Variants in NUP153 observed in about 807,000 individuals in gnomAD.
The protein encoded by NUP153 is nucleoporin 153, also known as nuclear pore complex protein Nup153.
Under a neutral mutation model 134.6 loss-of-function variants are expected in NUP153, and 27 were observed. That is an observed-to-expected ratio of 0.20 (90% confidence interval 0.15 to 0.28). The LOEUF (loss-of-function observed/expected upper bound fraction) is 0.28. Among genes scored for constraint, NUP153 ranks in the 10% least tolerant of loss-of-function variants. The pLI is 1.00. For missense variants in NUP153, 1,821 were observed against 1,731.3 expected (o/e 1.05, Z -0.92); for synonymous variants, 640 against 623.5 (o/e 1.03, Z -0.40).
intron 2 of NUP153, among the ~76,000 whole-genome samples, chr6:17,678,682 G>A (rs889320137): frequency 5.9e-5 from 9 of 152,056 alleles, no homozygotes; most frequent in Admixed American, 2.0e-4. Context: ...AGTGGCTCAC[G>A]CCTGTAGTCC....
At chr6:17,643,430 C>T (rs1765962082) in intron 14 of NUP153, among the ~76,000 whole-genome samples, 1 of 152,230 alleles carries the variant, frequency 6.6e-6, no homozygotes, top group Admixed American at 6.5e-5. Flanking sequence ...TGAGATTGTG[C>T]AACTGCACTC....
intron 1 of NUP153, among the ~76,000 whole-genome samples, chr6:17,695,228 T>C (rs191184677): frequency 2.6e-5 from 4 of 152,320 alleles, no homozygotes; most frequent in African/African-American, 2.4e-5. Flanking sequence ...TAGTCACTTA[T>C]AAAAGGACTA....
intron 16 of NUP153, among the ~76,000 whole-genome samples, chr6:17,633,226 A>G (rs1373742848): frequency 2.0e-5 from 3 of 152,230 alleles, no homozygotes; most frequent in African/African-American, 4.8e-5. Flanking sequence ...TCTTCAAAGC[A>G]GCAAGCATTC....
intron 1 of NUP153, among the ~76,000 whole-genome samples, chr6:17,700,989 A>C (rs1770021386): frequency 6.6e-6 from 1 of 152,104 alleles, no homozygotes; most frequent in Non-Finnish European, 1.5e-5. Context: ...CGGGAGGCCA[A>C]GGCAGGTGGA....
At chr6:17,670,787 T>G (rs892068389) in intron 5 of NUP153, among the ~76,000 whole-genome samples, 1 of 152,188 alleles carries the variant, frequency 6.6e-6, no homozygotes, top group African/African-American at 2.4e-5. Flanking sequence ...TTAGATTGTT[T>G]ACATGGTAAA....
At chr6:17,657,368 C>T (rs1766879506) in intron 11 of NUP153, among the ~76,000 whole-genome samples, 1 of 150,324 alleles carries the variant, frequency 6.7e-6, no homozygotes, top group Admixed American at 6.7e-5. Context: ...CATGGCAAAA[C>T]CCCGTCTCTA....
chr6:17,629,537 A>C lies in NUP153; in HGVS notation c.2662T>G (p.Phe888Val), dbSNP rs932212233. Residue 888 changes from phenylalanine (F) to valine (V), a missense_variant and splice_region_variant, in exon 18 of 22, where the codon TTT becomes GTT. Transcript: ENST00000262077. ...TTCGAAGATGAGGAAGATGTGTCAA[A>C]GCCTACAAAAATATAAAAGACACCA... is the stretch of plus-strand genomic sequence containing the variant. ...KPGTKSGFKG[F>V]DTSSSSSNSA... 5.1e-6 allele frequency: 8 copies of C among 1,580,592 alleles called. No homozygotes were observed. Among genetic ancestry groups the C allele is most frequent in the Non-Finnish European group, 6.8e-6 (8 of 1,169,978 alleles).
In NUP153 at chr6:17,646,179, T is replaced by C. The variant is rs143338076; in HGVS notation, c.1633-25A>G. ...TCTGTAAAGAGAAAGAATATCCTTATACTTCGTTTTCAATAAGTATCAAAT... is the reference window on the plus strand; with the variant it reads ...TCTGTAAAGAGAAAGAATATCCTTACACTTCGTTTTCAATAAGTATCAAAT... On this transcript the variant is annotated intron_variant, in intron 13 of 21. Coordinates refer to ENST00000262077, the MANE Select transcript of NUP153 (RefSeq NM_005124.4). 13 of 1,268,188 alleles carry C rather than the reference T, an allele frequency of 1.0e-5. No individual in the cohort carries two copies. In the African/African-American group the frequency reaches 1.5e-4, roughly 14 times the overall value. The allele number at this position is 1,268,188 out of a possible 1,614,324, so 78.6% of individuals were successfully genotyped here.
At position 17,619,015 on chromosome 6, in the gene NUP153, G is replaced by C. The variant is rs1293963197; in HGVS notation, c.4175-2320C>G. 9.9e-5 allele frequency among the ~76,000 whole-genome samples: 15 copies of C among 152,092 alleles called. 1 individual carries two copies. The highest frequency in any genetic ancestry group is 8.5e-4 in the Admixed American group (13 of 15,270). On this transcript the variant is annotated intron_variant, in intron 20 of 21. Transcript: ENST00000262077. ...TTCCCCAAAATGGAAGTTCACAAAA[G>C]AGCATGCTGCACTCCCTACACAAAC...
intron 5 of NUP153, among the ~76,000 whole-genome samples, chr6:17,669,953 G>T (rs1446643063): frequency 6.6e-6 from 1 of 151,886 alleles, no homozygotes; most frequent in Non-Finnish European, 1.5e-5. Context: ...AAATTAGCCA[G>T]GCGTGGCAGT....
At chr6:17,660,564 A>G (rs939751235) in intron 11 of NUP153, among the ~76,000 whole-genome samples, 3 of 151,638 alleles carry the variant, frequency 2.0e-5, no homozygotes, top group Admixed American at 6.6e-5. Flanking sequence ...ATACATATAC[A>G]TACATATTTC....
chr6:17,628,157 T>C lies in NUP153; in HGVS notation c.3544+498A>G, dbSNP rs1249562976. Among the ~76,000 whole-genome samples the C allele has an allele frequency of 6.6e-6, 1 of 152,230 alleles. No homozygotes were observed. The highest frequency in any genetic ancestry group is 2.4e-5 in the African/African-American group (1 of 41,472). ...CATGCTTTTAACCTTTAAGGTGCTA[T>C]GTCATTTTTTTCCCCAGGACTTCAG... On this transcript the variant is annotated intron_variant, in intron 18 of 21. Transcript: ENST00000262077. This position sits in a 1 kb window ranked among gnomAD's most constrained non-coding sequence, Gnocchi z 5.4.
intron 1 of NUP153, among the ~76,000 whole-genome samples, chr6:17,696,805 GCTTACGT>G (rs2113860292): frequency 6.6e-6 from 1 of 152,122 alleles, no homozygotes; most frequent in South Asian, 2.1e-4. Flanking sequence ...AGGTGCAGTA[GCTTACGT>G]CTGTAATCCC....
In NUP153 at chr6:17,688,572, C is replaced by G. The variant is rs202074605; in HGVS notation, c.158G>C (p.Gly53Ala). The G allele has an allele frequency of 1.4e-5, 23 of 1,614,006 alleles. No individual in the cohort carries two copies. The African/African-American group carries it at 3.1e-4, about 22-fold the overall frequency. ...VTESVKNIVP[G>A]WLQRYFNKNE... ...CTTGTTGAAGTATCTTTGTAGCCACCCTGGCACAATATTCTTAACAGATTC... is the reference window on the plus strand; with the variant it reads ...CTTGTTGAAGTATCTTTGTAGCCACGCTGGCACAATATTCTTAACAGATTC... The change falls in exon 2 of 22, where the codon GGG (glycine) becomes GCG (alanine). Residue 53 changes from glycine (G) to alanine (A), a missense_variant. Gly to Ala is a moderately conservative substitution (Grantham distance 60, BLOSUM62 0). Coordinates refer to ENST00000262077, the MANE Select transcript of NUP153 (RefSeq NM_005124.4).
intron 8 of NUP153, among the ~76,000 whole-genome samples, chr6:17,665,743 C>T (rs1468467256): frequency 6.7e-6 from 1 of 150,196 alleles, no homozygotes; most frequent in Non-Finnish European, 1.5e-5. Context: ...TTTTAAGAGA[C>T]GGACTCCTGC....
Position 17,637,671 on chromosome 6 carries a change from C to T in NUP153, c.1946G>A (p.Gly649Glu), listed in dbSNP as rs760392087. The change falls in exon 16 of 22, where the codon GGA becomes GAA. Residue 649 changes from glycine to glutamate, a missense_variant. By Grantham distance (98) the Gly-to-Glu change is moderately conservative. Transcript: ENST00000262077. ...RPAISSFSSSGIGFGESLKAG... is the reference protein window; with the variant it reads ...RPAISSFSSSEIGFGESLKAG... ...TTTTAAACTCTCCCCAAACCCAATTCCACTAGAAGAAAAGCTACTTATTGC... is the reference window on the plus strand; with the variant it reads ...TTTTAAACTCTCCCCAAACCCAATTTCACTAGAAGAAAAGCTACTTATTGC... The T allele has an allele frequency of 4.3e-6, 7 of 1,613,178 alleles. No homozygotes were observed. The highest frequency in any genetic ancestry group is 1.6e-4 in the Middle Eastern group (1 of 6,084).
In NUP153 at chr6:17,669,039, A is replaced by AG; in HGVS notation, c.1015-12_1015-11insC. 1 of 1,507,716 alleles carries AG rather than the reference A, an allele frequency of 6.6e-7. No individual in the cohort carries two copies. The highest frequency in any genetic ancestry group is 8.9e-7 in the Non-Finnish European group (1 of 1,129,196). The allele number at this position is 1,507,716 out of a possible 1,614,324, so 93.4% of individuals were successfully genotyped here. ...ACTCCTATCAAGAGGCTGAAAAAAA[A>AG]AAAAAACACTATTAGAATAGATGGG... is the stretch of plus-strand genomic sequence containing the variant. On this transcript the variant is annotated splice_polypyrimidine_tract_variant and intron_variant, in intron 7 of 21. Coordinates refer to ENST00000262077, the MANE Select transcript of NUP153 (RefSeq NM_005124.4).
intron 1 of NUP153, among the ~76,000 whole-genome samples, chr6:17,695,451 T>A (rs1381129728): frequency 6.6e-6 from 1 of 152,198 alleles, no homozygotes. Flanking sequence ...TAAGCTTAAC[T>A]ACAATAGAAT....
chr6:17,706,207 C>T lies in NUP153; in HGVS notation c.111+70G>A. ...TCTGCTCCACGTGGGGCGCCGGGGC[C>T]TCGAACCGCCCGTCCCCTCCAGCCG... On this transcript the variant is annotated intron_variant, in intron 1 of 21. Coordinates refer to ENST00000262077, the MANE Select transcript of NUP153 (RefSeq NM_005124.4). The surrounding 1 kb of genome is among the most constrained non-coding windows in gnomAD (Gnocchi z 5.9). 1 of 1,317,264 alleles carries T rather than the reference C, an allele frequency of 7.6e-7. No individual in the cohort carries two copies. The highest frequency in any genetic ancestry group is 2.3e-5 in the East Asian group (1 of 42,578). 81.6% of individuals were successfully genotyped at this position (1,317,264 alleles called of 1,614,324 possible). A position where few individuals can be genotyped will look rare whatever the true frequency, so the allele number is the denominator to read the frequency against.
Sources: allele counts gnomAD v4.1 joint callset (sites outside exome capture counted in the v4.1 genomes callset), GRCh38; gene constraint gnomAD v4.1.1; non-coding constraint Gnocchi (gnomAD v3.1); transcripts MANE v1.5; gene names NCBI Gene and HGNC (gene_info 2026-07-23, HGNC 2026-07-21).